Variants in SAMMSON observed in about 807,000 individuals in gnomAD.
The protein encoded by SAMMSON is long intergenic non-protein coding RNA 1212.
chr3:70,000,440 C>T (rs2066901540), intron 1 of SAMMSON, among the ~76,000 whole-genome samples: 1 of 152,194 alleles, frequency 6.6e-6, no homozygotes, highest in East Asian at 1.9e-4. Flanking sequence ...TATATATTGA[C>T]AATATTCCTC....
intron 6 of SAMMSON, among the ~76,000 whole-genome samples, chr3:70,268,053 T>C (rs910910914): frequency 4.7e-5 from 7 of 149,780 alleles, no homozygotes; most frequent in South Asian, 2.2e-4. Context: ...TCCTCCTCCT[T>C]CTTCTCCAAT....
intron 2 of SAMMSON, among the ~76,000 whole-genome samples, chr3:70,397,061 A>C (rs1701098944): frequency 1.3e-5 from 2 of 152,192 alleles, no homozygotes; most frequent in Non-Finnish European, 2.9e-5. Flanking sequence ...AACAACAAAA[A>C]ACAGTTTCAG....
chr3:70,196,858 C>G (rs1469350838), intron 4 of SAMMSON: 3 of 397,880 alleles, frequency 7.5e-6, no homozygotes, highest in African/African-American at 6.2e-5. Flanking sequence ...ACATGGAAAT[C>G]AGTCTTGTTG....
At chr3:70,101,414 A>G (rs2067345502) in intron 4 of SAMMSON, among the ~76,000 whole-genome samples, 1 of 152,148 alleles carries the variant, frequency 6.6e-6, no homozygotes, top group African/African-American at 2.4e-5. Flanking sequence ...AAAACGTACA[A>G]GAATTGCATT....
rs1197844615 is a variant in SAMMSON at position 70,264,205 on chromosome 3, G to A, written n.674+14535G>A. 2.0e-5 allele frequency among the ~76,000 whole-genome samples: 3 copies of A among 152,018 alleles called. No homozygotes were observed. The East Asian group carries it at 5.8e-4, about 29-fold the overall frequency. On this transcript the variant is annotated intron_variant and non_coding_transcript_variant, in intron 6 of 9. Transcript: ENST00000642114. ...TATACAGATGGTGTAAATAAAAATG[G>A]CAATGGCAATGACTTGAACATCTCT...
At position 70,016,902 on chromosome 3, in the gene SAMMSON, T is replaced by C. The variant is rs556826301; in HGVS notation, n.417+3230T>C. On this transcript the variant is annotated intron_variant and non_coding_transcript_variant, in intron 3 of 9. Coordinates refer to ENST00000642114, the Ensembl canonical transcript of SAMMSON. ...GTCAAAGATCAGATGGTTGTAGATA[T>C]GCGGCATTATTTCTAAGGGCTCTGT... Among the ~76,000 whole-genome samples, 25 of 152,264 alleles carry C rather than the reference T, an allele frequency of 1.6e-4. No homozygotes were observed. In the South Asian group the frequency reaches 2.1e-3, roughly 13 times the overall value.
At chr3:70,009,845 T>C (rs901070294) in intron 1 of SAMMSON, among the ~76,000 whole-genome samples, 2 of 150,586 alleles carry the variant, frequency 1.3e-5, no homozygotes, top group African/African-American at 5.0e-5. Context: ...TGTGTCTTTG[T>C]TCTCATTGGT....
intron 7 of SAMMSON, among the ~76,000 whole-genome samples, chr3:70,300,378 TTG>T (rs1440773868): frequency 2.6e-5 from 4 of 152,098 alleles, no homozygotes; most frequent in Non-Finnish European, 5.9e-5. Flanking sequence ...CGAGTATTAT[TTG>T]TGTTTGATTC....
At chr3:70,017,762 A>T (rs1433790284) in intron 3 of SAMMSON, among the ~76,000 whole-genome samples, 2 of 152,184 alleles carry the variant, frequency 1.3e-5, no homozygotes, top group East Asian at 1.9e-4. Context: ...CATCCCATCA[A>T]TACCTAATTT....
intron 2 of SAMMSON, among the ~76,000 whole-genome samples, chr3:70,418,380 G>A (rs1200240080): frequency 6.6e-6 from 1 of 152,186 alleles, no homozygotes; most frequent in African/African-American, 2.4e-5. Flanking sequence ...TTTTCCTAGG[G>A]TGGTCAGGTA....
chr3:70,399,845 A>G (rs1701124368), intron 2 of SAMMSON, among the ~76,000 whole-genome samples: 1 of 145,530 alleles, frequency 6.9e-6, no homozygotes, highest in Non-Finnish European at 1.5e-5. Flanking sequence ...ACAGAGCAAG[A>G]CTCTGACTCA....
chr3:70,201,045 A>G (rs1701232816), intron 4 of SAMMSON, among the ~76,000 whole-genome samples: 1 of 150,966 alleles, frequency 6.6e-6, no homozygotes, highest in African/African-American at 2.4e-5. Context: ...TACTTATTTA[A>G]ATTCTTTTTT....
intron 2 of SAMMSON, among the ~76,000 whole-genome samples, chr3:70,407,325 A>G (rs1461817170): frequency 1.3e-5 from 2 of 152,178 alleles, no homozygotes; most frequent in African/African-American, 4.8e-5. Flanking sequence ...GTCTTAACTC[A>G]TTTCAGCATT....
chr3:70,434,336 C>G (rs1701441165), intron 2 of SAMMSON, among the ~76,000 whole-genome samples: 1 of 151,972 alleles, frequency 6.6e-6, no homozygotes, highest in South Asian at 2.1e-4. Context: ...TCATAGAGAT[C>G]TTAAATATAC....
At chr3:70,093,344 C>T in intron 4 of SAMMSON, among the ~76,000 whole-genome samples, 1 of 152,056 alleles carries the variant, frequency 6.6e-6, no homozygotes, top group East Asian at 1.9e-4. Flanking sequence ...TTGAGGCTAC[C>T]AAAAACTAAA....
At chr3:70,166,025 T>G (rs2067635720) in intron 4 of SAMMSON, among the ~76,000 whole-genome samples, 2 of 152,104 alleles carry the variant, frequency 1.3e-5, no homozygotes, top group South Asian at 4.1e-4. Context: ...GTAGACTGAA[T>G]TAAAGGAGCT....
downstream of SAMMSON, among the ~76,000 whole-genome samples, chr3:70,392,680 G>A (rs1431974187): frequency 1.3e-5 from 2 of 152,116 alleles, no homozygotes; most frequent in East Asian, 1.9e-4. Flanking sequence ...TCGACTTTGC[G>A]ACCCCGACTA....
chr3:70,013,928 T>C (rs1373100694), intron 3 of SAMMSON: 1 of 152,158 alleles, frequency 6.6e-6, no homozygotes, highest in Admixed American at 6.5e-5. Context: ...AAAAAAATGC[T>C]TCCTCAAGTC....
chr3:70,163,025 T>C (rs1212698036), intron 4 of SAMMSON, among the ~76,000 whole-genome samples: 2 of 151,788 alleles, frequency 1.3e-5, no homozygotes, highest in East Asian at 3.9e-4. Flanking sequence ...TTAATCTTAT[T>C]TTATCTTTGA....
Sources: gnomAD v4.1 joint callset for allele counts (sites outside exome capture counted in the v4.1 genomes callset) on GRCh38, gnomAD v4.1.1 for gene constraint, MANE v1.5 for transcripts, NCBI Gene and HGNC (gene_info 2026-07-23, HGNC 2026-07-21) for gene names.